The following MCMDC2 variants were observed in gnomAD, a reference collection of about 807,000 sequenced individuals.
MCMDC2 encodes the protein minichromosome maintenance domain-containing protein 2.
MCMDC2 carries 54 observed loss-of-function variants against 75.8 expected under a neutral mutation model. That is an observed-to-expected ratio of 0.71 (90% CI 0.57 to 0.89). The LOEUF is 0.89. MCMDC2 is among the 40% of genes least tolerant of loss of function. The pLI, the probability that MCMDC2 is intolerant of heterozygous loss-of-function variation, is 0.00. For synonymous variants in MCMDC2, 249 were observed against 274.6 expected, an observed-to-expected ratio of 0.91 and a Z score of 0.92; for missense variants, 656 against 780.4, an observed-to-expected ratio of 0.84 and a Z score of 1.90.
intron 12 of MCMDC2, among the ~76,000 whole-genome samples, chr8:66,897,943 A>T (rs907075206): frequency 2.6e-5 from 4 of 152,094 alleles, no homozygotes; most frequent in African/African-American, 9.7e-5. Context: ...AGTCATTAAA[A>T]TTTTTTTTCA....
rs747394497 is a variant in MCMDC2, at chr8:66,883,878, C to A, written c.957C>A (p.Tyr319Ter). 8.7e-6 allele frequency: 14 copies of A among 1,613,966 alleles called. No individual in the cohort carries two copies. The highest frequency in any genetic ancestry group is 1.2e-5 in the Non-Finnish European group (14 of 1,179,906). ...CACAAATTACCCCTCCTGGGACTTA[C>A]AATTTGCTCAAGCTCTGTTTGTTGA... ...FASQITPPGT[Y>*]NLLKLCLLMS... is the part of the protein sequence containing the mutation. Residue 319 changes from tyrosine (Y) to a stop codon, truncating the protein, a stop_gained, in exon 9 of 15, where the codon TAC becomes TAA. Coordinates refer to ENST00000422365, the MANE Select transcript of MCMDC2 (RefSeq NM_173518.5). LOFTEE classifies it high-confidence loss of function.
chr8:66,881,033 A>C (rs1429750609), intron 8 of MCMDC2, 59 bp downstream of exon 8: 2 of 1,292,506 alleles, frequency 1.5e-6, no homozygotes, highest in African/African-American at 3.1e-5. Flanking sequence ...CTATTTGTTC[A>C]GCAGATAAGT....
chr8:66,919,470 G>C lies in MCMDC2; in HGVS notation c.*301G>C. ...CTGGTTAGCCCAGAATACCAGTGGTGAACAGATAAAAATGTAAATGTTGCA... is the reference window on the plus strand; with the variant it reads ...CTGGTTAGCCCAGAATACCAGTGGTCAACAGATAAAAATGTAAATGTTGCA... On this transcript the variant is annotated 3_prime_UTR_variant, in exon 15 of 15. Transcript: ENST00000422365. The C allele has an allele frequency of 5.3e-6, 1 of 188,288 alleles. No individual in the cohort carries two copies. Among genetic ancestry groups the C allele is most frequent in the Non-Finnish European group, 1.1e-5 (1 of 92,064 alleles). The allele number at this position is 188,288 out of a possible 1,614,324, so 11.7% of individuals were successfully genotyped here.
chr8:66,910,260 C>T (rs1310959832), intron 14 of MCMDC2, among the ~76,000 whole-genome samples: 2 of 152,232 alleles, frequency 1.3e-5, no homozygotes, highest in Admixed American at 6.5e-5. Context: ...ATAGTCCCCA[C>T]TGGGTACTCC....
chr8:66,914,240 G>T (rs1813221843), intron 14 of MCMDC2, among the ~76,000 whole-genome samples: 1 of 140,632 alleles, frequency 7.1e-6, no homozygotes, highest in Non-Finnish European at 1.5e-5. Flanking sequence ...CCATGATCAT[G>T]CCACTGCACT....
chr8:66,922,334 G>C (rs535145014), downstream of MCMDC2: 1 of 295,608 alleles, frequency 3.4e-6, no homozygotes, highest in Non-Finnish European at 6.8e-6. Flanking sequence ...TTGAGGTAAC[G>C]AAGCAGAAGT....
At chr8:66,897,645 A>C (rs946770049) in intron 12 of MCMDC2, among the ~76,000 whole-genome samples, 2 of 152,200 alleles carry the variant, frequency 1.3e-5, no homozygotes, top group Non-Finnish European at 2.9e-5. Flanking sequence ...GTCTATTCAA[A>C]GGGATTGTCC....
At chr8:66,902,094 T>G (rs1812692889) in intron 13 of MCMDC2, among the ~76,000 whole-genome samples, 1 of 150,924 alleles carries the variant, frequency 6.6e-6, no homozygotes, top group Non-Finnish European at 1.5e-5. Context: ...TTTGGGAGGC[T>G]GAGGTGGGAG....
chr8:66,909,762 T>C (rs1329306786), intron 14 of MCMDC2, among the ~76,000 whole-genome samples: 1 of 152,210 alleles, frequency 6.6e-6, no homozygotes, highest in Admixed American at 6.5e-5. Context: ...AAACTCATTT[T>C]CTGGAGATAA....
intron 10 of MCMDC2, among the ~76,000 whole-genome samples, chr8:66,891,754 G>A (rs1026428404): frequency 1.2e-4 from 19 of 152,184 alleles, no homozygotes; most frequent in Non-Finnish European, 1.2e-4. Context: ...AGCCAGGAGC[G>A]GAGCAGCGAG....
chr8:66,897,177 C>A (rs1477764849), intron 12 of MCMDC2, among the ~76,000 whole-genome samples: 1 of 151,958 alleles, frequency 6.6e-6, no homozygotes, highest in Non-Finnish European at 1.5e-5. Context: ...GAGGCCCAGG[C>A]GGGTGGCTCA....
intron 7 of MCMDC2, among the ~76,000 whole-genome samples, chr8:66,879,321 G>A (rs1029891379): frequency 7.2e-5 from 11 of 151,986 alleles, no homozygotes; most frequent in Admixed American, 6.6e-5. Flanking sequence ...GGCCAGGCGC[G>A]GTGGCTCACA....
At chr8:66,892,007 A>T (rs1328147883) in intron 10 of MCMDC2, among the ~76,000 whole-genome samples, 3 of 152,198 alleles carry the variant, frequency 2.0e-5, no homozygotes, top group Non-Finnish European at 4.4e-5. Flanking sequence ...GGCTGCAGGG[A>T]AGCATGCCAC....
chr8:66,876,924 C>T (rs1259493849), intron 4 of MCMDC2, among the ~76,000 whole-genome samples: 1 of 151,908 alleles, frequency 6.6e-6, no homozygotes, highest in East Asian at 1.9e-4. Context: ...TCACACCCGG[C>T]TAATTTTTTG....
At chr8:66,877,860 G>A (rs1402766398) in intron 5 of MCMDC2, among the ~76,000 whole-genome samples, 5 of 115,640 alleles carry the variant, frequency 4.3e-5, no homozygotes, top group African/African-American at 1.4e-4. Flanking sequence ...GAGTGACCCT[G>A]TCTAAAAAAA....
intron 8 of MCMDC2, among the ~76,000 whole-genome samples, chr8:66,881,594 G>A (rs1422728254): frequency 6.6e-6 from 1 of 152,210 alleles, no homozygotes; most frequent in Non-Finnish European, 1.5e-5. Context: ...GCTGAGGCAG[G>A]AGAATCGGTT....
chr8:66,922,396 A>T (rs1340224955), downstream of MCMDC2: 8 of 456,606 alleles, frequency 1.8e-5, no homozygotes, highest in Non-Finnish European at 3.5e-5. Context: ...CTATATGCTA[A>T]AAACAAAGAA....
At position 66,877,561 on chromosome 8, in the gene MCMDC2, A is replaced by C; in HGVS notation, c.481+17A>C. ...TTTCAAAAGGTAAATGTTAAATAGG[A>C]AAATCAAAGCATTAAGCAATTGGCT... On this transcript the variant is annotated intron_variant, in intron 5 of 14. Coordinates refer to ENST00000422365, the MANE Select transcript of MCMDC2 (RefSeq NM_173518.5). 6.3e-7 allele frequency: 1 copy of C among 1,577,224 alleles called. No individual in the cohort carries two copies. The highest frequency in any genetic ancestry group is 1.7e-4 in the Middle Eastern group (1 of 5,766).
chr8:66,912,531 C>T (rs969985955), intron 14 of MCMDC2, among the ~76,000 whole-genome samples: 6 of 152,072 alleles, frequency 3.9e-5, no homozygotes, highest in African/African-American at 1.4e-4. Flanking sequence ...CAAACAACAT[C>T]ACCCTAAAGC....
Sources: gnomAD v4.1 joint callset for allele counts (sites outside exome capture counted in the v4.1 genomes callset) on GRCh38, gnomAD v4.1.1 for gene constraint, MANE v1.5 for transcripts, NCBI Gene and HGNC (gene_info 2026-07-23, HGNC 2026-07-21) for gene names.